Variants in TENM2 observed in about 807,000 individuals in gnomAD.
TENM2 encodes the protein teneurin-2.
TENM2 carries 52 observed loss-of-function variants against 245.2 expected under a neutral mutation model. That is an observed-to-expected ratio of 0.21 (90% CI 0.17 to 0.27). TENM2 has a LOEUF of 0.27. TENM2 is among the 10% of genes least tolerant of loss of function. TENM2 has a pLI of 1.00. For synonymous variants in TENM2, 1,363 were observed against 1,438.9 expected, an observed-to-expected ratio of 0.95 and a Z score of 1.19; for missense variants, 3,046 against 3,666.8, an observed-to-expected ratio of 0.83 and a Z score of 4.37.
chr5:167,782,480 G>T (rs546947654), intron 2 of TENM2, among the ~76,000 whole-genome samples: 1 of 152,206 alleles, frequency 6.6e-6, no homozygotes, highest in East Asian at 1.9e-4. Flanking sequence ...GATGCCCCAT[G>T]TGCAGCCCTG....
In TENM2 at chr5:167,902,647, G is replaced by A. The variant is rs573113731; in HGVS notation, c.712+26452G>A. On this transcript the variant is annotated intron_variant, in intron 3 of 28. Coordinates refer to ENST00000518659, the Ensembl canonical transcript of TENM2. ...ATGGAATGAGTTGTATAAATAAAGT[G>A]TTATGGCAGCCGACTCATCGAGAAT... Among the ~76,000 whole-genome samples the A allele has an allele frequency of 2.0e-5, 3 of 152,244 alleles. No individual in the cohort carries two copies. The East Asian group carries it at 5.8e-4, about 29-fold the overall frequency.
intron 5 of TENM2, among the ~76,000 whole-genome samples, chr5:168,037,538 CTT>C (rs35253311): frequency 3.7e-5 from 5 of 135,624 alleles, no homozygotes; most frequent in Admixed American, 7.6e-5. Context: ...CCATAATGGT[CTT>C]TTTTTTTTTT....
At chr5:168,066,303 A>G (rs1278070079) in intron 7 of TENM2, among the ~76,000 whole-genome samples, 3 of 152,200 alleles carry the variant, frequency 2.0e-5, no homozygotes, top group African/African-American at 7.2e-5. Flanking sequence ...CAACCAAAGC[A>G]GTCACATCAT....
the TENM2 span, among the ~76,000 whole-genome samples, chr5:167,182,249 T>C: frequency 6.6e-6 from 1 of 152,142 alleles, no homozygotes; most frequent in Non-Finnish European, 1.5e-5. Context: ...TATATATTTA[T>C]AATGATTTTT....
intron 2 of TENM2, among the ~76,000 whole-genome samples, chr5:167,425,740 A>G (rs150840000): frequency 2.6e-4 from 39 of 151,956 alleles, no homozygotes; most frequent in African/African-American, 9.2e-4. Context: ...TAAAATAACA[A>G]TGCTGCTGCT....
chr5:167,801,109 A>AAATATATAT (rs1444227809), intron 2 of TENM2, among the ~76,000 whole-genome samples: 1 of 66,556 alleles, frequency 1.5e-5, no homozygotes. Context: ...AAAAAAAAAA[A>AAATATATAT]ATATATATAT....
chr5:167,632,394 T>C (rs1233193025), intron 2 of TENM2, among the ~76,000 whole-genome samples: 1 of 152,204 alleles, frequency 6.6e-6, no homozygotes, highest in Non-Finnish European at 1.5e-5. Flanking sequence ...TGTGAATACA[T>C]ATAAATATAA....
intron 26 of TENM2, among the ~76,000 whole-genome samples, chr5:168,245,911 G>A (rs1362598836): frequency 1.3e-5 from 2 of 152,092 alleles, no homozygotes; most frequent in Non-Finnish European, 2.9e-5. Context: ...AGTGATTCTA[G>A]GTTATTTCAT....
At chr5:167,616,445 G>A (rs914469375) in intron 2 of TENM2, among the ~76,000 whole-genome samples, 2 of 152,052 alleles carry the variant, frequency 1.3e-5, no homozygotes, top group African/African-American at 2.4e-5. Flanking sequence ...TGGATTAAAG[G>A]AGCCAAATCT....
chr5:167,726,868 C>T (rs774077217), intron 2 of TENM2, among the ~76,000 whole-genome samples: 2 of 152,158 alleles, frequency 1.3e-5, no homozygotes, highest in Non-Finnish European at 2.9e-5. Flanking sequence ...CAACATTCCT[C>T]AACTCCCCTA....
chr5:167,406,414 G>A (rs937138757), intron 2 of TENM2, among the ~76,000 whole-genome samples: 2 of 152,136 alleles, frequency 1.3e-5, no homozygotes, highest in Non-Finnish European at 1.5e-5. Context: ...TGCATGCTTA[G>A]TTGCTTATTC....
At chr5:168,052,764 A>G (rs759450972) in intron 6 of TENM2, among the ~76,000 whole-genome samples, 11 of 152,144 alleles carry the variant, frequency 7.2e-5, no homozygotes, top group African/African-American at 9.7e-5. Flanking sequence ...TTCTCGGTTT[A>G]TAACTCAGCT....
chr5:168,043,051 C>G (rs1303420970), intron 5 of TENM2, among the ~76,000 whole-genome samples: 1 of 152,158 alleles, frequency 6.6e-6, no homozygotes, highest in Non-Finnish European at 1.5e-5. Flanking sequence ...GCCTCCCAAA[C>G]TCATTTCACT....
the TENM2 span, among the ~76,000 whole-genome samples, chr5:167,035,109 C>T: frequency 2.0e-5 from 3 of 152,096 alleles, no homozygotes; most frequent in Non-Finnish European, 4.4e-5. Context: ...ACTTTCCATT[C>T]CTGAAATGTC....
At chr5:167,711,910 A>G (rs1387783385) in intron 2 of TENM2, among the ~76,000 whole-genome samples, 1 of 152,202 alleles carries the variant, frequency 6.6e-6, no homozygotes, top group Non-Finnish European at 1.5e-5. Flanking sequence ...CACCAACTGA[A>G]CCTTGATCTA....
rs1196475720 is a variant in TENM2, at chr5:167,640,577, C to T, written c.503-235409C>T. 2.0e-5 allele frequency among the ~76,000 whole-genome samples: 3 copies of T among 148,902 alleles called. No individual in the cohort carries two copies. In the Admixed American group the frequency reaches 2.0e-4, roughly 10 times the overall value. The stretch of plus-strand genomic sequence containing the variant: ...AGGTTGCAGTGAGCCGAGATCATAC[C>T]ACTGCACTTCAGCCTGGGTAAACGA... On this transcript the variant is annotated intron_variant, in intron 2 of 28. Transcript: ENST00000518659.
the TENM2 span, among the ~76,000 whole-genome samples, chr5:167,271,095 C>T: frequency 0.098 from 14,880 of 152,052 alleles, 873 homozygotes; most frequent in East Asian, 0.25. Flanking sequence ...GAGAGGGGCA[C>T]ATTCAATGGA....
chr5:167,732,903 A>G (rs768888305), intron 2 of TENM2, among the ~76,000 whole-genome samples: 1 of 152,224 alleles, frequency 6.6e-6, no homozygotes, highest in Non-Finnish European at 1.5e-5. Context: ...AACTGAGTAC[A>G]TTAACCATGC....
intron 27 of TENM2, among the ~76,000 whole-genome samples, chr5:168,254,180 C>T (rs756674476): frequency 7.9e-5 from 12 of 152,200 alleles, no homozygotes; most frequent in Admixed American, 2.0e-4. Context: ...CTGTGAAGAA[C>T]GTGAGAAGAG....
Sources: allele counts gnomAD v4.1 joint callset (sites outside exome capture counted in the v4.1 genomes callset), GRCh38; gene constraint gnomAD v4.1.1; transcripts MANE v1.5; gene names NCBI Gene and HGNC (gene_info 2026-07-23, HGNC 2026-07-21).